Variants in ERICH1 observed in about 807,000 individuals in gnomAD.
ERICH1 encodes the protein glutamate-rich protein 1.
Under a neutral mutation model 39.6 loss-of-function variants are expected in ERICH1, and 56 were observed. That is an observed-to-expected ratio of 1.41 (90% CI 1.14 to 1.77). The LOEUF is 1.77. Ranked by LOEUF, ERICH1 falls within the 40% of genes most tolerant of loss-of-function variation. ERICH1 has a pLI of 0.00. For missense variants in ERICH1, 826 were observed against 575.4 expected, an observed-to-expected ratio of 1.44 and a Z score of -4.45; for synonymous variants, 313 against 223.6, an observed-to-expected ratio of 1.40 and a Z score of -3.57.
chr8:630,543 C>CAG (rs1797946605), intron 3 of ERICH1, among the ~76,000 whole-genome samples: 1 of 110,138 alleles, frequency 9.1e-6, no homozygotes, highest in Non-Finnish European at 1.8e-5. Context: ...TGAGCACCCA[C>CAG]ACAGAGCTGA....
chr8:624,242 T>C (rs2117051760), intron 3 of ERICH1, among the ~76,000 whole-genome samples: 1 of 152,102 alleles, frequency 6.6e-6, no homozygotes, highest in Non-Finnish European at 1.5e-5. Context: ...ATAGATGATG[T>C]AAAGATTGGA....
intron 5 of ERICH1, among the ~76,000 whole-genome samples, chr8:665,117 T>C (rs3824148): frequency 0.24 from 36,546 of 152,174 alleles, 6,076 homozygotes; most frequent in East Asian, 0.46. Context: ...ATGTGGTGCC[T>C]ACGTCATGAA....
At chr8:650,880 T>C (rs1417208724) in intron 3 of ERICH1, among the ~76,000 whole-genome samples, 1 of 152,212 alleles carries the variant, frequency 6.6e-6, no homozygotes. Flanking sequence ...TGGAGTGTGT[T>C]ATCCCAGGAG....
chr8:693,002 C>G (rs1809268684), intron 2 of ERICH1, among the ~76,000 whole-genome samples: 1 of 152,204 alleles, frequency 6.6e-6, no homozygotes, highest in Non-Finnish European at 1.5e-5. Flanking sequence ...TTTCACTGCA[C>G]AGACTTCTGG....
chr8:637,476 C>A (rs1798531284), intron 3 of ERICH1: 1 of 152,296 alleles, frequency 6.6e-6, no homozygotes, highest in Non-Finnish European at 1.5e-5. Flanking sequence ...ATTTCTGTAT[C>A]CCTGCAGAGC....
At chr8:654,488 T>A in intron 3 of ERICH1, among the ~76,000 whole-genome samples, 1 of 152,246 alleles carries the variant, frequency 6.6e-6, no homozygotes, top group Non-Finnish European at 1.5e-5. Flanking sequence ...CGGCATTTTG[T>A]GAGAATTCAA....
At chr8:656,728 G>A in intron 3 of ERICH1, 4 of 984,040 alleles carry the variant, frequency 4.1e-6, no homozygotes, top group South Asian at 4.7e-5. Context: ...GCAGGTCTGG[G>A]AAGAACATTT....
At chr8:635,913 G>A (rs1182120421) in intron 3 of ERICH1, among the ~76,000 whole-genome samples, 1 of 152,202 alleles carries the variant, frequency 6.6e-6, no homozygotes, top group African/African-American at 2.4e-5. Context: ...ACTTGCAAGC[G>A]GCTCTTACGC....
intron 3 of ERICH1, among the ~76,000 whole-genome samples, chr8:688,702 T>C (rs1808222091): frequency 6.6e-6 from 1 of 152,142 alleles, no homozygotes; most frequent in Admixed American, 6.5e-5. Context: ...TGGGGAAAGG[T>C]AGTAACTACC....
At chr8:716,066 T>C (rs1815913016) in intron 1 of ERICH1, 59 bp from the exon 2 acceptor site, 1 of 1,532,768 alleles carries the variant, frequency 6.5e-7, no homozygotes. Context: ...GCAGTTTATC[T>C]GAATCACACG....
chr8:664,097 A>C (rs1585116137), downstream of ERICH1: 1 of 374,384 alleles, frequency 2.7e-6, no homozygotes, highest in East Asian at 1.6e-4. Flanking sequence ...CCAAGAACTG[A>C]CGACTGCTTC....
At chr8:658,294 A>C (rs1384880995) in intron 3 of ERICH1, among the ~76,000 whole-genome samples, 1 of 152,104 alleles carries the variant, frequency 6.6e-6, no homozygotes, top group African/African-American at 2.4e-5. Context: ...GGTTCCCTGC[A>C]GGAAGAAGAC....
At chr8:615,504 A>G (rs1796858658) in intron 3 of ERICH1, 1 of 439,522 alleles carries the variant, frequency 2.3e-6, no homozygotes, top group African/African-American at 2.0e-5. Flanking sequence ...CACTGACACC[A>G]TTCCTGCAAA....
chr8:682,631 G>A (rs557665794), intron 3 of ERICH1, among the ~76,000 whole-genome samples: 1 of 152,212 alleles, frequency 6.6e-6, no homozygotes, highest in South Asian at 2.1e-4. Flanking sequence ...GCTTTGAAAA[G>A]CTGCCATCCC....
At chr8:628,272 T>C (rs1368617701) in intron 3 of ERICH1, among the ~76,000 whole-genome samples, 1 of 152,216 alleles carries the variant, frequency 6.6e-6, no homozygotes, top group Non-Finnish European at 1.5e-5. Flanking sequence ...CCAGGGCCCC[T>C]GTGTCAGCTC....
intron 3 of ERICH1, among the ~76,000 whole-genome samples, chr8:685,194 G>A (rs1405744126): frequency 6.6e-6 from 1 of 152,050 alleles, no homozygotes; most frequent in Non-Finnish European, 1.5e-5. Flanking sequence ...CTTTTTCCAG[G>A]GCTCTTAATT....
intron 3 of ERICH1, among the ~76,000 whole-genome samples, chr8:657,687 C>A (rs969180299): frequency 6.6e-6 from 1 of 151,266 alleles, no homozygotes; most frequent in African/African-American, 2.4e-5. Flanking sequence ...CAGCTGAACG[C>A]CAGGGGCGCC....
At chr8:641,733 C>T (rs973158981) in intron 3 of ERICH1, among the ~76,000 whole-genome samples, 4 of 152,216 alleles carry the variant, frequency 2.6e-5, no homozygotes, top group Non-Finnish European at 4.4e-5. Flanking sequence ...CCCTCCCCGC[C>T]GATTCCTCTC....
In ERICH1 at chr8:630,029, C is replaced by G. The variant is rs1435762236; in HGVS notation, c.977-14745G>C. Among the ~76,000 whole-genome samples, 46 of 129,826 alleles carry G rather than the reference C, an allele frequency of 3.5e-4. 1 individual carries two copies. Among genetic ancestry groups the G allele is most frequent in the Non-Finnish European group, 6.7e-4 (42 of 62,486 alleles). 85.2% of individuals were successfully genotyped at this position (129,826 alleles called of 152,430 possible). ...CCACACAGACAAAGCTGACTCACAC[C>G]CTCCCGTGACCACCCACACAGACAG... On this transcript the variant is annotated intron_variant, in intron 3 of 3. Transcript: ENST00000522706.
Sources: gnomAD v4.1 joint callset for allele counts (sites outside exome capture counted in the v4.1 genomes callset) on GRCh38, gnomAD v4.1.1 for gene constraint, MANE v1.5 for transcripts, NCBI Gene and HGNC (gene_info 2026-07-23, HGNC 2026-07-21) for gene names.